IFT43: variants seen among roughly 807,000 people sequenced by gnomAD.
IFT43 encodes the protein intraflagellar transport protein 43 homolog.
In IFT43, 33 loss-of-function variants were observed where a neutral mutation model predicts 32.3. The observed-to-expected ratio is 1.02, with a 90% CI of 0.77 to 1.37. The LOEUF is 1.37. Among genes scored for constraint, IFT43 ranks in the 40% most tolerant of loss-of-function variants. IFT43 has a pLI of 0.00. For synonymous variants in IFT43, 93 were observed against 98.2 expected (o/e 0.95, Z 0.31); for missense variants, 274 against 265.9 (o/e 1.03, Z -0.21).
intron 2 of IFT43, among the ~76,000 whole-genome samples, chr14:76,017,764 C>T (rs2036216191): frequency 6.6e-6 from 1 of 152,008 alleles, no homozygotes. Context: ...CTATTTCTTC[C>T]TGGTTCAATC....
chr14:76,004,763 A>G (rs1594810321), intron 2 of IFT43, among the ~76,000 whole-genome samples: 1 of 151,882 alleles, frequency 6.6e-6, no homozygotes, highest in Admixed American at 6.6e-5. Flanking sequence ...TGTCCTTCAG[A>G]TTGGGTATTT....
chr14:76,045,569 G>T (rs1161986560), intron 3 of IFT43, among the ~76,000 whole-genome samples: 1 of 152,218 alleles, frequency 6.6e-6, no homozygotes, highest in Non-Finnish European at 1.5e-5. Context: ...GCCCGGGGCT[G>T]TAGGCACCCC....
At position 76,048,437 on chromosome 14, in the gene IFT43, G is replaced by A. The variant is rs191585642; in HGVS notation, c.216-10205G>A. On this transcript the variant is annotated intron_variant, in intron 3 of 8. Transcript: ENST00000314067. ...GGCCAACCATTGGTTAAAATTCTCC[G>A]AACATAAATGATCTCCTTGTTCTCC... 1.9e-3 allele frequency among the ~76,000 whole-genome samples: 283 copies of A among 152,300 alleles called. 3 individuals are homozygous for A. The highest frequency in any genetic ancestry group is 6.8e-3 in the Middle Eastern group (2 of 294).
At chr14:76,047,046 C>T (rs1013736708) in intron 3 of IFT43, among the ~76,000 whole-genome samples, 2 of 152,214 alleles carry the variant, frequency 1.3e-5, no homozygotes, top group Non-Finnish European at 2.9e-5. Flanking sequence ...CAGGGACTAG[C>T]TACCCACCAG....
intron 1 of IFT43, chr14:75,986,099 A>G: frequency 6.9e-7 from 1 of 1,453,858 alleles, no homozygotes; most frequent in Non-Finnish European, 9.1e-7. Flanking sequence ...ACCGTGGGAA[A>G]TTTCCGAGCC....
At chr14:76,065,910 T>C (rs1860168828) in intron 5 of IFT43, among the ~76,000 whole-genome samples, 1 of 152,246 alleles carries the variant, frequency 6.6e-6, no homozygotes, top group African/African-American at 2.4e-5. Context: ...TATGCCACTG[T>C]GCCCAGCTCA....
At chr14:76,062,917 C>CAAAAAA (rs746158153) in intron 5 of IFT43, among the ~76,000 whole-genome samples, 20 of 72,460 alleles carry the variant, frequency 2.8e-4, no homozygotes, top group East Asian at 8.6e-4. Flanking sequence ...GATCCCATCT[C>CAAAAAA]AAAAAAAAAA....
chr14:76,024,696 G>T (rs2111782), intron 3 of IFT43, among the ~76,000 whole-genome samples: 1 of 152,286 alleles, frequency 6.6e-6, no homozygotes, highest in East Asian at 1.9e-4. Context: ...TAGGTAACAC[G>T]TGTTCTGTAA....
intron 3 of IFT43, among the ~76,000 whole-genome samples, chr14:76,035,300 A>G (rs1367692393): frequency 5.3e-5 from 8 of 152,106 alleles, no homozygotes; most frequent in African/African-American, 1.9e-4. Flanking sequence ...CACTCTCCTC[A>G]CATAAATCTC....
chr14:76,066,149 A>G (rs1358395729), intron 5 of IFT43, among the ~76,000 whole-genome samples: 1 of 152,246 alleles, frequency 6.6e-6, no homozygotes, highest in East Asian at 1.9e-4. Flanking sequence ...AGTGCCTAGA[A>G]TGATTGATGG....
intron 2 of IFT43, among the ~76,000 whole-genome samples, chr14:76,011,518 G>A (rs2036085121): frequency 6.6e-6 from 1 of 152,132 alleles, no homozygotes. Flanking sequence ...CATTGTTAAG[G>A]AATGTTTTTC....
chr14:75,989,509 G>A (rs930308512), intron 2 of IFT43, among the ~76,000 whole-genome samples: 2 of 151,968 alleles, frequency 1.3e-5, no homozygotes, highest in Admixed American at 1.3e-4. Context: ...TACTGCCAGG[G>A]CACTACTTTT....
chr14:76,018,696 A>G (rs2139946426), intron 2 of IFT43, among the ~76,000 whole-genome samples: 1 of 152,200 alleles, frequency 6.6e-6, no homozygotes, highest in East Asian at 1.9e-4. Context: ...AGATCTAATA[A>G]TATTTGCTTT....
chr14:76,017,016 T>C (rs2036201481), intron 2 of IFT43, among the ~76,000 whole-genome samples: 3 of 152,160 alleles, frequency 2.0e-5, no homozygotes, highest in Admixed American at 2.0e-4. Context: ...ACTTCCTGTC[T>C]AATTTGGAAG....
chr14:76,045,243 C>T (rs1212938052), intron 3 of IFT43, among the ~76,000 whole-genome samples: 4 of 152,128 alleles, frequency 2.6e-5, no homozygotes, highest in Non-Finnish European at 5.9e-5. Context: ...CATCTTTTTC[C>T]CCTGGGTTTG....
intron 3 of IFT43, among the ~76,000 whole-genome samples, chr14:76,034,684 T>C (rs2036568018): frequency 6.6e-6 from 1 of 152,210 alleles, no homozygotes; most frequent in Admixed American, 6.5e-5. Flanking sequence ...CTGCCCAGGA[T>C]AGAGAACAGA....
At chr14:75,987,220 A>G (rs1022637756) in intron 1 of IFT43, among the ~76,000 whole-genome samples, 2 of 152,226 alleles carry the variant, frequency 1.3e-5, no homozygotes, top group Non-Finnish European at 2.9e-5. Flanking sequence ...CTGTATTCAG[A>G]TACTCAGTGC....
Position 76,083,254 on chromosome 14 carries a change from A to G in IFT43, c.472A>G (p.Thr158Ala), listed in dbSNP as rs760890438. The change falls in exon 8 of 9, where the codon ACC (threonine) becomes GCC (alanine). Residue 158 changes from threonine (T) to alanine (A), a missense_variant. Transcript: ENST00000314067. Reference sequence around the variant, plus strand: ...TGGGGAGATCGACCTGAAACTCCTCACCAAAGTGCTCGCGCCGGAGCACGA... The same window carrying G: ...TGGGGAGATCGACCTGAAACTCCTCGCCAAAGTGCTCGCGCCGGAGCACGA... ...LDGEIDLKLL[T>A]KVLAPEHEVR... 6.2e-7 allele frequency: 1 copy of G among 1,614,016 alleles called. No homozygotes were observed. The highest frequency in any genetic ancestry group is 1.1e-5 in the South Asian group (1 of 91,066).
intron 2 of IFT43, among the ~76,000 whole-genome samples, chr14:76,022,123 C>T (rs763389943): frequency 2.0e-5 from 3 of 152,078 alleles, no homozygotes; most frequent in Non-Finnish European, 4.4e-5. Context: ...TGGTGGTGGG[C>T]GCCTATAATC....
Sources: gnomAD v4.1 joint callset for allele counts (sites outside exome capture counted in the v4.1 genomes callset) on GRCh38, gnomAD v4.1.1 for gene constraint, MANE v1.5 for transcripts, NCBI Gene and HGNC (gene_info 2026-07-23, HGNC 2026-07-21) for gene names.